Variants in PLD1 observed in about 807,000 individuals in gnomAD.
PLD1 encodes the protein phospholipase D1.
In PLD1, 112 loss-of-function variants were observed where a neutral mutation model predicts 137.1. The ratio of observed to expected loss-of-function variants is 0.82; its 90% CI spans 0.70 to 0.96. The LOEUF (loss-of-function observed/expected upper bound fraction) is 0.96, where lower values mean the gene tolerates loss of function less well. Ranked by LOEUF, PLD1 falls within the 40% of genes least tolerant of loss-of-function variation. The probability of loss-of-function intolerance (pLI) is 0.00; values close to 1 mark genes in which losing one functional copy is unlikely to be tolerated. For synonymous variants in PLD1, 431 were observed against 454.7 expected (o/e 0.95, Z 0.66); for missense variants, 1,321 against 1,342.0 (o/e 0.98, Z 0.24).
chr3:171,699,640 T>C, intron 12 of PLD1, 105 bp downstream of exon 12: 4 of 792,940 alleles, frequency 5.0e-6, no homozygotes, highest in Non-Finnish European at 8.4e-6. Context: ...TTTGTCAAAC[T>C]CTAAAGTGAA....
chr3:171,735,671 G>A (rs187430804), intron 3 of PLD1, 34 bp from the exon 4 acceptor site: 85 of 1,286,324 alleles, frequency 6.6e-5, no homozygotes, highest in Middle Eastern at 3.8e-4. Context: ...TGATATTTTA[G>A]ATAACAACAA....
At chr3:171,797,325 T>G (rs1723472568) in intron 1 of PLD1, among the ~76,000 whole-genome samples, 1 of 152,242 alleles carries the variant, frequency 6.6e-6, no homozygotes, top group South Asian at 2.1e-4. Flanking sequence ...TTTCACAGCA[T>G]TTAATCTTTG....
chr3:171,741,700 G>A (rs1015317755), intron 1 of PLD1, among the ~76,000 whole-genome samples: 49 of 152,134 alleles, frequency 3.2e-4, no homozygotes, highest in Admixed American at 9.2e-4. Flanking sequence ...TTTTATTCTC[G>A]TTTTGAATTA....
At position 171,699,734 on chromosome 3, in the gene PLD1, A is replaced by C; in HGVS notation, c.1227+11T>G. 6.3e-7 allele frequency: 1 copy of C among 1,591,482 alleles called. No homozygotes were observed. The highest frequency in any genetic ancestry group is 8.6e-7 in the Non-Finnish European group (1 of 1,160,784). On this transcript the variant is annotated intron_variant, in intron 12 of 26. Transcript: ENST00000351298. ...AAAAATTATATCAGCATTTTCTGGG[A>C]AAGTACATACTGCTTTTCGTTTAAG...
At chr3:171,794,402 C>T (rs1405333333) in intron 1 of PLD1, among the ~76,000 whole-genome samples, 5 of 152,062 alleles carry the variant, frequency 3.3e-5, no homozygotes, top group Admixed American at 2.6e-4. Flanking sequence ...GGTCTTGGGG[C>T]ATATCCCCCT....
intron 21 of PLD1, among the ~76,000 whole-genome samples, chr3:171,657,356 A>G (rs1737300302): frequency 6.6e-6 from 1 of 152,200 alleles, no homozygotes; most frequent in Admixed American, 6.5e-5. Flanking sequence ...GTACCACATG[A>G]CACTGGAAGT....
intron 1 of PLD1, among the ~76,000 whole-genome samples, chr3:171,764,915 A>G (rs868035705): frequency 0.01 from 317 of 31,074 alleles, 15 homozygotes; most frequent in Middle Eastern, 0.029. Context: ...AAGGAAGGAA[A>G]GAAAGAAAGG....
chr3:171,612,390 T>C lies in PLD1; in HGVS notation c.2771A>G (p.Asp924Gly), dbSNP rs144084334. The change falls in exon 25 of 27, where the codon GAC becomes GGC. Residue 924 changes from aspartate (D) to glycine (G), a missense_variant. Coordinates refer to ENST00000351298, the MANE Select transcript of PLD1 (RefSeq NM_002662.5). The surrounding 1 kb of genome is among the most constrained non-coding windows in gnomAD (Gnocchi z 4.1). The stretch of plus-strand genomic sequence containing the variant: ...TTGCACAATGACAGCCATTTCACTG[T>C]CACGCTTTCCCAGCATGCTGCGGTC... ...INDRSMLGKR[D>G]SEMAVIVQDT... The C allele has an allele frequency of 1.9e-6, 3 of 1,613,978 alleles. No homozygotes were observed. In the African/African-American group the frequency reaches 4.0e-5, roughly 22 times the overall value.
At chr3:171,751,618 C>T (rs978877180) in intron 1 of PLD1, among the ~76,000 whole-genome samples, 13 of 152,114 alleles carry the variant, frequency 8.5e-5, no homozygotes, top group African/African-American at 2.2e-4. Flanking sequence ...TTCATTGGAT[C>T]GGAAAATTTT....
At chr3:171,698,811 C>CAAAAAAAAA (rs11359377) in intron 12 of PLD1, among the ~76,000 whole-genome samples, 25 of 103,938 alleles carry the variant, frequency 2.4e-4, no homozygotes, top group African/African-American at 7.8e-4. Flanking sequence ...TACAAAAATA[C>CAAAAAAAAA]AAAAAAAAAA....
chr3:171,706,606 A>G (rs6788652), intron 11 of PLD1, among the ~76,000 whole-genome samples: 4,346 of 152,018 alleles, frequency 0.029, 150 homozygotes, highest in African/African-American at 0.084. Flanking sequence ...TATTAATTCT[A>G]TTTCTGACAC....
At chr3:171,689,213 TA>T (rs888585821) in intron 13 of PLD1, among the ~76,000 whole-genome samples, 5 of 149,918 alleles carry the variant, frequency 3.3e-5, no homozygotes, top group African/African-American at 4.9e-5. Flanking sequence ...AATCTGGTAC[TA>T]AAAAAAAAGC....
At chr3:171,802,776 G>A (rs1196552902) in intron 1 of PLD1, among the ~76,000 whole-genome samples, 1 of 152,210 alleles carries the variant, frequency 6.6e-6, no homozygotes, top group East Asian at 1.9e-4. Context: ...ATGGGGCAAA[G>A]AGTGGCCCCT....
chr3:171,757,041 C>T (rs923579887), intron 1 of PLD1, among the ~76,000 whole-genome samples: 4 of 152,054 alleles, frequency 2.6e-5, no homozygotes, highest in African/African-American at 9.7e-5. Flanking sequence ...GGCAGAAAAA[C>T]CAGAGGCAAA....
chr3:171,644,196 G>C (rs1422097039), intron 22 of PLD1, among the ~76,000 whole-genome samples: 1 of 152,056 alleles, frequency 6.6e-6, no homozygotes, highest in Non-Finnish European at 1.5e-5. Flanking sequence ...AAGAGATTTT[G>C]GTTAAGTGAC....
At chr3:171,743,178 G>A (rs1293905134) in intron 1 of PLD1, among the ~76,000 whole-genome samples, 1 of 152,142 alleles carries the variant, frequency 6.6e-6, no homozygotes, top group Admixed American at 6.5e-5. Context: ...TGTGATCATG[G>A]ATACTCATCT....
At chr3:171,754,509 C>G (rs1410569475) in intron 1 of PLD1, among the ~76,000 whole-genome samples, 2 of 152,258 alleles carry the variant, frequency 1.3e-5, no homozygotes, top group Non-Finnish European at 2.9e-5. Context: ...TTTCCATCTC[C>G]TGTAAGTTAC....
At chr3:171,676,363 A>C (rs1713349485) in intron 18 of PLD1, among the ~76,000 whole-genome samples, 1 of 151,988 alleles carries the variant, frequency 6.6e-6, no homozygotes, top group African/African-American at 2.4e-5. Context: ...CCTCTCATCT[A>C]AACCAGGCTC....
chr3:171,642,732 C>G, intron 23 of PLD1, 108 bp downstream of exon 23: 1 of 657,632 alleles, frequency 1.5e-6, no homozygotes, highest in East Asian at 2.9e-5. Context: ...TTGTGGGGTA[C>G]CTTTTATAAA....
Sources: gnomAD v4.1 joint callset for allele counts (sites outside exome capture counted in the v4.1 genomes callset) on GRCh38, gnomAD v4.1.1 for gene constraint, Gnocchi (gnomAD v3.1) non-coding constraint, MANE v1.5 for transcripts, NCBI Gene and HGNC (gene_info 2026-07-23, HGNC 2026-07-21) for gene names.